PHLDB3: variants seen among roughly 807,000 people sequenced by gnomAD.
PHLDB3 encodes pleckstrin homology-like domain family B member 3.
Under a neutral mutation model 85.7 loss-of-function variants are expected in PHLDB3, and 86 were observed. The observed-to-expected ratio is 1.00, with a 90% CI of 0.84 to 1.20. The LOEUF is 1.20. Ranked by LOEUF, PHLDB3 falls within the 50% of genes most tolerant of loss-of-function variation. PHLDB3 has a pLI of 0.00. For synonymous variants in PHLDB3, 376 were observed against 349.8 expected, an observed-to-expected ratio of 1.07 and a Z score of -0.83; for missense variants, 995 against 873.0, an observed-to-expected ratio of 1.14 and a Z score of -1.76.
chr19:43,502,202 G>T lies in PHLDB3; in HGVS notation c.295C>A (p.Arg99=). 6.4e-7 allele frequency: 1 copy of T among 1,569,526 alleles called. No individual in the cohort carries two copies. The highest frequency in any genetic ancestry group is 8.6e-7 in the Non-Finnish European group (1 of 1,157,850). Residue 99 remains arginine (R), a synonymous_variant, in exon 3 of 16, where the codon CGG becomes AGG. Transcript: ENST00000292140. ...SSREGVRGAA[R]RLQGQQLEAL... The stretch of plus-strand genomic sequence containing the variant: ...TCCAGCTGCTGTCCTTGCAGGCGCC[G>T]CGCCGCCCCTCGCACCCCTTCCCGC...
intron 9 of PHLDB3, among the ~76,000 whole-genome samples, chr19:43,490,851 C>T (rs531800803): frequency 6.6e-6 from 1 of 152,334 alleles, no homozygotes; most frequent in South Asian, 2.1e-4. Flanking sequence ...TCTGCCACTT[C>T]CTGGGTGCAT....
At chr19:43,487,227 C>T (rs747481831) in intron 9 of PHLDB3, 104 bp from the exon 10 acceptor site, 145 of 893,078 alleles carry the variant, frequency 1.6e-4, no homozygotes, top group Non-Finnish European at 2.3e-4. Flanking sequence ...CAAATCAAAA[C>T]ACTACTGTCC....
rs1436946366 is a variant in PHLDB3, at chr19:43,486,327, G to A, written c.1429-5C>T. On this transcript the variant is annotated splice_region_variant and splice_polypyrimidine_tract_variant and intron_variant, in intron 12 of 15. Coordinates refer to ENST00000292140, the MANE Select transcript of PHLDB3 (RefSeq NM_198850.4). Reference sequence around the variant, plus strand: ...CGTGCCCCTTCTTGTTCCTTCCTGTGGATTCAGGATGAAGCACTCAATGAG... The same window carrying A: ...CGTGCCCCTTCTTGTTCCTTCCTGTAGATTCAGGATGAAGCACTCAATGAG... 9 of 1,603,532 alleles carry A rather than the reference G, an allele frequency of 5.6e-6. No homozygotes were observed. The highest frequency in any genetic ancestry group is 7.7e-6 in the Non-Finnish European group (9 of 1,175,550).
intron 4 of PHLDB3, among the ~76,000 whole-genome samples, chr19:43,500,271 A>C (rs1364866832): frequency 6.6e-6 from 1 of 152,110 alleles, no homozygotes; most frequent in Non-Finnish European, 1.5e-5. Flanking sequence ...TGATCTTATT[A>C]GGTCGGGACA....
Position 43,504,688 on chromosome 19 carries a change from C to A in PHLDB3, c.-114G>T, listed in dbSNP as rs766537441. Reference sequence around the variant, plus strand: ...ACTGCCACCTCCCCACAGCCTCGGCCCCCTCACGAGCTCAGGCTTCGGCGC... The same window carrying A: ...ACTGCCACCTCCCCACAGCCTCGGCACCCTCACGAGCTCAGGCTTCGGCGC... On this transcript the variant is annotated 5_prime_UTR_variant, in exon 1 of 16. Coordinates refer to ENST00000292140, the MANE Select transcript of PHLDB3 (RefSeq NM_198850.4). 9.1e-4 allele frequency: 139 copies of A among 153,292 alleles called. 1 individual carries two copies. The highest frequency in any genetic ancestry group is 1.6e-3 in the Non-Finnish European group (108 of 68,694). 9.5% of individuals were successfully genotyped at this position (153,292 alleles called of 1,614,324 possible).
chr19:43,499,568 G>C (rs1971540652), intron 4 of PHLDB3, among the ~76,000 whole-genome samples: 2 of 152,020 alleles, frequency 1.3e-5, no homozygotes. Flanking sequence ...GGAGAAATAT[G>C]TGATCTTTGA....
rs1416404787 is a variant in PHLDB3, at chr19:43,502,209, C to T, written c.288G>A (p.Gly96=). 5 of 1,566,412 alleles carry T rather than the reference C, an allele frequency of 3.2e-6. No homozygotes were observed. In the South Asian group the frequency reaches 3.5e-5, roughly 11 times the overall value. The change falls in exon 3 of 16, where the codon GGG becomes GGA. Residue 96 remains glycine, a synonymous_variant. Coordinates refer to ENST00000292140, the MANE Select transcript of PHLDB3 (RefSeq NM_198850.4). ...GCTGTCCTTGCAGGCGCCGCGCCGC[C>T]CCTCGCACCCCTTCCCGCGAAGAGG... The part of the protein sequence containing the change: ...ASTSSREGVR[G]AARRLQGQQL...
rs1971164802 is a variant in PHLDB3, at chr19:43,486,606, C to T, written c.1428+3G>A. Reference sequence around the variant, plus strand: ...TTCCGAAGAGGATGGCCTGGGCTCTCACCCGGGCCTTGAGCAGCCGCTCCC... The same window carrying T: ...TTCCGAAGAGGATGGCCTGGGCTCTTACCCGGGCCTTGAGCAGCCGCTCCC... On this transcript the variant is annotated splice_donor_region_variant and intron_variant, in intron 12 of 15. Transcript: ENST00000292140. The T allele has an allele frequency of 6.2e-7, 1 of 1,611,812 alleles. No homozygotes were observed.
intron 9 of PHLDB3, among the ~76,000 whole-genome samples, chr19:43,493,860 C>T (rs926363625): frequency 6.6e-6 from 1 of 152,094 alleles, no homozygotes; most frequent in South Asian, 2.1e-4. Flanking sequence ...CTCCAAAATA[C>T]TTGGGACCAG....
chr19:43,484,912 G>C (rs917771236), intron 13 of PHLDB3, among the ~76,000 whole-genome samples: 1 of 151,868 alleles, frequency 6.6e-6, no homozygotes, highest in Non-Finnish European at 1.5e-5. Flanking sequence ...GATTGTTTGA[G>C]GCCAGGAGTT....
At chr19:43,501,293 C>T (rs34536923) in intron 4 of PHLDB3, among the ~76,000 whole-genome samples, 19,824 of 150,132 alleles carry the variant, frequency 0.13, 1,694 homozygotes, top group Non-Finnish European at 0.19. Flanking sequence ...AAGCGATTCT[C>T]CTGCCTCAGC....
intron 4 of PHLDB3, among the ~76,000 whole-genome samples, chr19:43,499,631 C>T (rs1599958749): frequency 6.6e-6 from 1 of 152,118 alleles, no homozygotes; most frequent in East Asian, 1.9e-4. Context: ...ATACACGACA[C>T]TTGCAAAGAA....
intron 2 of PHLDB3, among the ~76,000 whole-genome samples, chr19:43,503,282 CTCTCTCTCTCT>C (rs1232522390): frequency 7.1e-5 from 2 of 28,268 alleles, no homozygotes; most frequent in Admixed American, 8.2e-4. Flanking sequence ...TCTATCTGGT[CTCTCTCTCTCT>C]CTCTCTCTCT....
At chr19:43,489,310 T>C (rs1971258327) in intron 9 of PHLDB3, among the ~76,000 whole-genome samples, 1 of 151,238 alleles carries the variant, frequency 6.6e-6, no homozygotes, top group Admixed American at 6.6e-5. Context: ...GACCCTGCAG[T>C]GAGCCATGAT....
At chr19:43,501,943 C>A (rs1971613586) in intron 3 of PHLDB3, 72 bp from the exon 4 acceptor site, 1 of 1,496,618 alleles carries the variant, frequency 6.7e-7, no homozygotes, top group Non-Finnish European at 8.9e-7. Context: ...CCTGAACTAC[C>A]GGATTCGAAG....
chr19:43,481,342 G>C (rs974934459), intron 13 of PHLDB3, among the ~76,000 whole-genome samples: 1 of 152,206 alleles, frequency 6.6e-6, no homozygotes, highest in African/African-American at 2.4e-5. Flanking sequence ...AATTAGGCTG[G>C]GCGTGGTGGC....
chr19:43,475,677 T>C (rs1257484047), intron 15 of PHLDB3, 133 bp from the exon 16 acceptor site: 1 of 1,172,500 alleles, frequency 8.5e-7, no homozygotes, highest in Non-Finnish European at 1.2e-6. Flanking sequence ...TCAGTTTCCC[T>C]GTCTTCCCAA....
At chr19:43,480,232 G>T (rs533374994) in intron 13 of PHLDB3, among the ~76,000 whole-genome samples, 52 of 131,828 alleles carry the variant, frequency 3.9e-4, no homozygotes, top group Admixed American at 2.0e-3. Context: ...TTGGAAACCA[G>T]CCTGGGCAAC....
chr19:43,479,063 G>C (rs1012886561), intron 14 of PHLDB3, among the ~76,000 whole-genome samples: 1 of 152,154 alleles, frequency 6.6e-6, no homozygotes, highest in Admixed American at 6.6e-5. Context: ...CAGACTCATG[G>C]GTGTCTTAGG....
Sources: allele counts gnomAD v4.1 joint callset (sites outside exome capture counted in the v4.1 genomes callset), GRCh38; gene constraint gnomAD v4.1.1; transcripts MANE v1.5; gene names NCBI Gene and HGNC (gene_info 2026-07-23, HGNC 2026-07-21).